The following MCCC2 variants were observed in gnomAD, a reference collection of about 807,000 sequenced individuals.
MCCC2 encodes methylcrotonyl-CoA carboxylase subunit 2.
MCCC2 carries 52 observed loss-of-function variants against 77.2 expected under a neutral mutation model. That is an observed-to-expected ratio of 0.67 (90% confidence interval 0.54 to 0.85). The LOEUF (loss-of-function observed/expected upper bound fraction) is 0.85. Among genes scored for constraint, MCCC2 ranks in the 40% least tolerant of loss-of-function variants. MCCC2 has a pLI of 0.00. For synonymous variants in MCCC2, 253 were observed against 248.4 expected, an observed-to-expected ratio of 1.02 and a Z score of -0.18; for missense variants, 682 against 703.2, an observed-to-expected ratio of 0.97 and a Z score of 0.34.
At position 71,602,539 on chromosome 5, in the gene MCCC2, C is replaced by CT. The variant is rs1745479266; in HGVS notation, c.417_418insT (p.Val140CysfsTer33). 3 of 1,613,898 alleles carry CT rather than the reference C, an allele frequency of 1.9e-6. No homozygotes were observed. The highest frequency in any genetic ancestry group is 2.5e-6 in the Non-Finnish European group (3 of 1,180,028). On this transcript the variant is annotated frameshift_variant, in exon 5 of 17. Transcript: ENST00000340941. LOFTEE classifies it high-confidence loss of function. The stretch of plus-strand genomic sequence containing the variant: ...GCATGATTATTGCCAATGATGCCAC[C>CT]GTCAAAGGAGGTGCCTACTACCCAG...
chr5:71,619,853 T>G (rs1303537199), intron 6 of MCCC2, among the ~76,000 whole-genome samples: 1 of 151,682 alleles, frequency 6.6e-6, no homozygotes, highest in Non-Finnish European at 1.5e-5. Context: ...TAGCCGGGCA[T>G]GGTGGTGGGT....
rs757389984 is a variant in MCCC2 at position 71,635,161 on chromosome 5, A to G, written c.914A>G (p.Glu305Gly). 1.1e-5 allele frequency: 18 copies of G among 1,614,016 alleles called. No homozygotes were observed. In the East Asian group the frequency reaches 4.0e-4, roughly 36 times the overall value. Residue 305 changes from glutamate to glycine, a missense_variant, in exon 10 of 17, where the codon GAA (glutamate) becomes GGA (glycine). By Grantham distance (98) the Glu-to-Gly change is moderately conservative. Transcript: ENST00000340941. ...NYQKKLDVTI[E>G]PSEEPLFPAD... is the part of the protein sequence containing the mutation. ...TCTATATTTCTGCAGGTCACCATTG[A>G]ACCTTCTGAAGAGCCTTTATTTCCT...
chr5:71,591,441 T>G (rs1489769406), intron 1 of MCCC2, among the ~76,000 whole-genome samples: 1 of 149,724 alleles, frequency 6.7e-6, no homozygotes, highest in Non-Finnish European at 1.5e-5. Context: ...TCTGTTTTTT[T>G]TTTTTTTTTT....
At chr5:71,634,810 G>A in intron 8 of MCCC2, 133 bp from the exon 9 acceptor site, 1 of 770,758 alleles carries the variant, frequency 1.3e-6, no homozygotes, top group East Asian at 2.7e-5. Context: ...ATTTATTAAA[G>A]ATGACAAATT....
rs1744818713 is a variant in MCCC2, at chr5:71,587,674, C to T, written c.129+120C>T. ...GAGCCCCAGTTGATTCTGTGACGCA[C>T]GTGAAGTTTGAAGAAGAAAAGCCTA... is the stretch of plus-strand genomic sequence containing the variant. On this transcript the variant is annotated intron_variant, in intron 1 of 16. Transcript: ENST00000340941. 3 of 1,340,892 alleles carry T rather than the reference C, an allele frequency of 2.2e-6. No homozygotes were observed. In the East Asian group the frequency reaches 7.7e-5, roughly 34 times the overall value. The allele number at this position is 1,340,892 out of a possible 1,614,324, so 83.1% of individuals were successfully genotyped here. A position where few individuals can be genotyped will look rare whatever the true frequency, so the allele number is the denominator to read the frequency against.
chr5:71,614,029 T>TACACACAC (rs35292468), intron 6 of MCCC2, among the ~76,000 whole-genome samples: 4,961 of 148,248 alleles, frequency 0.033, 196 homozygotes, highest in East Asian at 0.079. Context: ...ACGTATATAA[T>TACACACAC]ACACACACAC....
chr5:71,602,840 C>T lies in MCCC2; in HGVS notation c.511+207C>T, dbSNP rs576263413. 9.0e-5 allele frequency: 57 copies of T among 631,448 alleles called. 2 individuals carry two copies. The South Asian group carries it at 1.2e-3, about 13-fold the overall frequency. 39.1% of individuals were successfully genotyped at this position (631,448 alleles called of 1,614,324 possible). On this transcript the variant is annotated intron_variant, in intron 5 of 16. Transcript: ENST00000340941. ...ATAGTACTAGTGCATAATACTCATACATTTTGACGCATGCCAGTTTTTTTC... is the reference window on the plus strand; with the variant it reads ...ATAGTACTAGTGCATAATACTCATATATTTTGACGCATGCCAGTTTTTTTC...
chr5:71,616,414 G>A (rs1173782599), intron 6 of MCCC2, among the ~76,000 whole-genome samples: 2 of 152,210 alleles, frequency 1.3e-5, no homozygotes, highest in East Asian at 3.8e-4. Context: ...ATCTGATGCT[G>A]TCTCTAGGTA....
intron 10 of MCCC2, chr5:71,635,625 G>GA: frequency 2.8e-6 from 1 of 352,042 alleles, no homozygotes; most frequent in Non-Finnish European, 5.5e-6. Context: ...GTTGTTGGAA[G>GA]AAAAAACATA....
intron 6 of MCCC2, among the ~76,000 whole-genome samples, chr5:71,624,826 T>A (rs1746484459): frequency 6.6e-6 from 1 of 151,910 alleles, no homozygotes; most frequent in South Asian, 2.1e-4. Flanking sequence ...CCTGAGTAGC[T>A]GGGTTTACAG....
At chr5:71,637,731 T>A (rs6863593) in intron 10 of MCCC2, among the ~76,000 whole-genome samples, 3,025 of 152,198 alleles carry the variant, frequency 0.02, 106 homozygotes, top group African/African-American at 0.069. Context: ...GAACTTTGTT[T>A]TTTTTCAGAC....
At chr5:71,635,939 T>C (rs1746912259) in intron 10 of MCCC2, 1 of 159,206 alleles carries the variant, frequency 6.3e-6, no homozygotes, top group Admixed American at 6.2e-5. Context: ...AAGAAAAAAA[T>C]TAAATTGCAT....
At chr5:71,590,280 A>G (rs1015062798) in intron 1 of MCCC2, among the ~76,000 whole-genome samples, 1 of 152,146 alleles carries the variant, frequency 6.6e-6, no homozygotes, top group Non-Finnish European at 1.5e-5. Flanking sequence ...GTTGGTTGAT[A>G]AAGGATTGCC....
chr5:71,603,355 G>A (rs1452230303), intron 5 of MCCC2, among the ~76,000 whole-genome samples: 1 of 139,194 alleles, frequency 7.2e-6, no homozygotes, highest in Non-Finnish European at 1.5e-5. Flanking sequence ...GGCGGAGCTT[G>A]CAGTGAGCTG....
intron 10 of MCCC2, chr5:71,635,846 G>A (rs1264875961): frequency 6.1e-6 from 1 of 162,888 alleles, no homozygotes; most frequent in African/African-American, 2.4e-5. Flanking sequence ...TTCTGTACTG[G>A]AAGTTTTAAT....
chr5:71,623,490 C>T (rs567526750), intron 6 of MCCC2, among the ~76,000 whole-genome samples: 5 of 152,240 alleles, frequency 3.3e-5, no homozygotes, highest in South Asian at 2.1e-4. Context: ...CACCATGTCA[C>T]GTGACTTCAT....
chr5:71,607,778 T>C (rs1017317365), intron 6 of MCCC2, among the ~76,000 whole-genome samples: 5 of 150,426 alleles, frequency 3.3e-5, no homozygotes, highest in African/African-American at 9.8e-5. Context: ...ATGTTGTGTC[T>C]TTGTTCTTGT....
chr5:71,614,955 ACCTGGGTGGCT>A (rs1379774896), intron 6 of MCCC2, among the ~76,000 whole-genome samples: 2 of 151,932 alleles, frequency 1.3e-5, no homozygotes, highest in Non-Finnish European at 1.5e-5. Flanking sequence ...TTTTCTCCCT[ACCTGGGTGGCT>A]ACATTTTTTT....
intron 12 of MCCC2, among the ~76,000 whole-genome samples, 167 bp downstream of exon 12, chr5:71,644,062 T>TGTGC (rs1238096370): frequency 6.7e-6 from 1 of 148,256 alleles, no homozygotes; most frequent in Non-Finnish European, 1.5e-5. Flanking sequence ...TGTGTGTGTG[T>TGTGC]GTGTGTGTGC....
Sources: allele counts gnomAD v4.1 joint callset (sites outside exome capture counted in the v4.1 genomes callset), GRCh38; gene constraint gnomAD v4.1.1; transcripts MANE v1.5; gene names NCBI Gene and HGNC (gene_info 2026-07-23, HGNC 2026-07-21).